Variants in ADGRB3 observed in about 807,000 individuals in gnomAD.
ADGRB3 encodes adhesion G protein-coupled receptor B3, also known as brain-specific angiogenesis inhibitor 3.
Under a neutral mutation model 193.4 loss-of-function variants are expected in ADGRB3, and 37 were observed. The ratio of observed to expected loss-of-function variants is 0.19; its 90% CI spans 0.15 to 0.25. The LOEUF (loss-of-function observed/expected upper bound fraction) is 0.25. ADGRB3 is among the 10% of genes least tolerant of loss of function. ADGRB3 has a pLI of 1.00. For missense variants in ADGRB3, 1,637 were observed against 1,852.9 expected, an observed-to-expected ratio of 0.88 and a Z score of 2.14; for synonymous variants, 690 against 644.2, an observed-to-expected ratio of 1.07 and a Z score of -1.08.
intron 12 of ADGRB3, 146 bp from the exon 13 acceptor site, chr6:69,018,244 TA>T (rs1234686601): frequency 1.0e-5 from 5 of 490,420 alleles, no homozygotes; most frequent in East Asian, 6.1e-5. Flanking sequence ...ACTATTAATT[TA>T]AAAAATACAG....
Position 69,101,433 on chromosome 6 carries a change from C to CGTGTGTGTGTGTGTGTGTGTGT in ADGRB3, c.2480+25402_2480+25423dup, listed in dbSNP as rs59471051. On this transcript the variant is annotated intron_variant, in intron 17 of 31. Transcript: ENST00000370598. ...TGCAAATATTAGATACAGTAAGTAT[C>CGTGTGTGTGTGTGTGTGTGTGT]GTGTGTGTGTGTGTGTGTGTGTGTG... is the stretch of plus-strand genomic sequence containing the variant. Among the ~76,000 whole-genome samples, 46 of 145,396 alleles carry CGTGTGTGTGTGTGTGTGTGTGT rather than the reference C, an allele frequency of 3.2e-4. 1 individual carries two copies. The highest frequency in any genetic ancestry group is 4.6e-4 in the African/African-American group (18 of 39,214).
chr6:69,355,355 T>C (rs1769316293), intron 27 of ADGRB3, among the ~76,000 whole-genome samples: 2 of 152,196 alleles, frequency 1.3e-5, no homozygotes, highest in African/African-American at 4.8e-5. Flanking sequence ...TAGAAGAGCC[T>C]AGTTTGAGCC....
At chr6:68,891,873 T>A (rs1766087277) in intron 3 of ADGRB3, among the ~76,000 whole-genome samples, 1 of 152,088 alleles carries the variant, frequency 6.6e-6, no homozygotes, top group Non-Finnish European at 1.5e-5. Context: ...ATCTTCCAGC[T>A]GGTAGTTACT....
rs763297550 is a variant in ADGRB3 at position 69,354,228 on chromosome 6, C to T, written c.3460-5C>T. ...AGAAAATTAATGTGTTCCCCCTCCC[C>T]ACAGGTTCAGGATGCATTTAGATGC... is the stretch of plus-strand genomic sequence containing the variant. On this transcript the variant is annotated splice_region_variant and splice_polypyrimidine_tract_variant and intron_variant, in intron 26 of 31. Coordinates refer to ENST00000370598, the MANE Select transcript of ADGRB3 (RefSeq NM_001704.3). 3.1e-6 allele frequency: 5 copies of T among 1,609,946 alleles called. No homozygotes were observed. The highest frequency in any genetic ancestry group is 1.3e-5 in the African/African-American group (1 of 74,754).
At chr6:68,939,419 T>C (rs1181893410) in intron 5 of ADGRB3, among the ~76,000 whole-genome samples, 1 of 152,154 alleles carries the variant, frequency 6.6e-6, no homozygotes, top group Non-Finnish European at 1.5e-5. Flanking sequence ...CCTCTTCACC[T>C]TTATATGCAT....
chr6:68,751,031 C>T (rs1251210222), intron 3 of ADGRB3, among the ~76,000 whole-genome samples: 1 of 152,190 alleles, frequency 6.6e-6, no homozygotes, highest in African/African-American at 2.4e-5. Flanking sequence ...CAGGTTTCCT[C>T]TTCCAGGACA....
chr6:68,755,525 C>T (rs908719647), intron 3 of ADGRB3, among the ~76,000 whole-genome samples: 2 of 151,752 alleles, frequency 1.3e-5, no homozygotes, highest in African/African-American at 2.4e-5. Context: ...GGCCACCTGT[C>T]GAGAATGAAG....
chr6:69,004,205 C>CTT (rs1769672296), intron 11 of ADGRB3, among the ~76,000 whole-genome samples: 1 of 152,180 alleles, frequency 6.6e-6, no homozygotes, highest in South Asian at 2.1e-4. Flanking sequence ...AACTGAGTGA[C>CTT]TTAAACAACA....
intron 17 of ADGRB3, among the ~76,000 whole-genome samples, chr6:69,136,664 C>T (rs1385259472): frequency 6.6e-6 from 1 of 151,680 alleles, no homozygotes; most frequent in African/African-American, 2.4e-5. Context: ...ATGGAGAATT[C>T]ACATTTTCTT....
chr6:69,127,270 C>T (rs545398250), intron 17 of ADGRB3, among the ~76,000 whole-genome samples: 106 of 152,266 alleles, frequency 7.0e-4, no homozygotes, highest in African/African-American at 1.9e-3. Flanking sequence ...CACAAGCCCA[C>T]CAAAACACTT....
intron 24 of ADGRB3, among the ~76,000 whole-genome samples, chr6:69,336,495 T>C (rs1768851020): frequency 6.6e-6 from 1 of 152,024 alleles, no homozygotes; most frequent in Non-Finnish European, 1.5e-5. Context: ...AGACTTTTTT[T>C]CTTTAAAGAA....
rs367552488 is a variant in ADGRB3 at position 69,091,887 on chromosome 6, TA to T, written c.2480+15856del. On this transcript the variant is annotated intron_variant, in intron 17 of 31. Coordinates refer to ENST00000370598, the MANE Select transcript of ADGRB3 (RefSeq NM_001704.3). ...ATGTTTGGAGTATTTTTGACATGAT[TA>T]AAAAAATGTATAAAAATAACTTTTA... is the stretch of plus-strand genomic sequence containing the variant. 4.4e-4 allele frequency among the ~76,000 whole-genome samples: 67 copies of T among 152,222 alleles called. No individual in the cohort carries two copies. In the East Asian group the frequency reaches 7.7e-3, roughly 18 times the overall value.
intron 30 of ADGRB3, among the ~76,000 whole-genome samples, chr6:69,376,616 T>TCTC (rs1769829079): frequency 6.6e-6 from 1 of 152,018 alleles, no homozygotes; most frequent in Non-Finnish European, 1.5e-5. Flanking sequence ...TCATTTTATA[T>TCTC]TAACTCAATA....
intron 17 of ADGRB3, among the ~76,000 whole-genome samples, chr6:69,104,726 A>G (rs1057204366): frequency 1.3e-5 from 2 of 152,030 alleles, no homozygotes; most frequent in African/African-American, 2.4e-5. Flanking sequence ...AAATTTTCCT[A>G]TTTGCTCAAT....
At chr6:69,038,767 A>G (rs1234143911) in intron 13 of ADGRB3, among the ~76,000 whole-genome samples, 2 of 152,228 alleles carry the variant, frequency 1.3e-5, no homozygotes, top group Non-Finnish European at 1.5e-5. Context: ...GACAAAACTA[A>G]GAAGTCTTAA....
chr6:69,074,338 A>T (rs976827285), intron 16 of ADGRB3, among the ~76,000 whole-genome samples: 57 of 152,170 alleles, frequency 3.7e-4, no homozygotes, highest in African/African-American at 1.4e-3. Flanking sequence ...TTTAGAATGG[A>T]CCTATCAGAC....
intron 3 of ADGRB3, among the ~76,000 whole-genome samples, chr6:68,702,238 A>G (rs998976093): frequency 6.6e-6 from 1 of 151,772 alleles, no homozygotes; most frequent in Non-Finnish European, 1.5e-5. Context: ...GAGGAGAGGG[A>G]GGGAAGTACT....
chr6:68,818,125 G>A (rs1767671552), intron 3 of ADGRB3, among the ~76,000 whole-genome samples: 1 of 152,026 alleles, frequency 6.6e-6, no homozygotes, highest in South Asian at 2.1e-4. Context: ...TATTAGCTGA[G>A]AAGCTCAAAG....
At position 68,722,032 on chromosome 6, in the gene ADGRB3, A is replaced by G. The variant is rs185707343; in HGVS notation, c.757+82600A>G. On this transcript the variant is annotated intron_variant, in intron 3 of 31. Transcript: ENST00000370598. ...ATATATATTCTACAGTTGTGTCTAC[A>G]TTATTCATGTTTTTTTAGTTATCTA... 3.9e-4 allele frequency among the ~76,000 whole-genome samples: 59 copies of G among 151,706 alleles called. No homozygotes were observed. The East Asian group carries it at 9.2e-3, about 24-fold the overall frequency.
Sources: gnomAD v4.1 joint callset for allele counts (sites outside exome capture counted in the v4.1 genomes callset) on GRCh38, gnomAD v4.1.1 for gene constraint, MANE v1.5 for transcripts, NCBI Gene and HGNC (gene_info 2026-07-23, HGNC 2026-07-21) for gene names.